Variants in CLN3 observed in about 807,000 individuals in gnomAD.
The protein encoded by CLN3 is battenin.
A neutral mutation model predicts 60.7 loss-of-function variants in CLN3; 49 were observed. The observed-to-expected ratio is 0.81, with a 90% confidence interval of 0.64 to 1.02. CLN3 has a LOEUF of 1.02. Among genes scored for constraint, CLN3 ranks in the 50% least tolerant of loss-of-function variants. CLN3 has a pLI of 0.00. For missense variants in CLN3, 516 were observed against 557.4 expected (o/e 0.93, Z 0.75); for synonymous variants, 256 against 245.8 (o/e 1.04, Z -0.39).
chr16:28,487,286 A>G, intron 7 of CLN3, 170 bp downstream of exon 7: 2 of 693,698 alleles, frequency 2.9e-6, no homozygotes, highest in South Asian at 3.1e-5. Context: ...TCCACTGCCT[A>G]CCCCTCCAAA....
intron 9 of CLN3, 130 bp downstream of exon 9, chr16:28,486,217 C>A (rs938530957): frequency 8.3e-7 from 1 of 1,200,074 alleles, no homozygotes; most frequent in African/African-American, 1.5e-5. Flanking sequence ...AGGCTGGTTT[C>A]CTGACCTTAG....
chr16:28,468,581 G>A, the CLN3 span, among the ~76,000 whole-genome samples: 4 of 134,680 alleles, frequency 3.0e-5, no homozygotes, highest in Non-Finnish European at 4.8e-5. Context: ...AGCCGAGGTG[G>A]GTGGACCACG....
rs780773439 is a variant in CLN3, at chr16:28,477,707, AC to A, written c.1197+29del. On this transcript the variant is annotated intron_variant, in intron 15 of 15. Transcript: ENST00000636147. ...TGCCCTGGGTGTCCCTGGACAGGCC[AC>A]CCCCAGCCCTTGCCCGGCCAATGCT... 22 of 1,613,882 alleles carry A rather than the reference AC, an allele frequency of 1.4e-5. 1 individual carries two copies. The highest frequency in any genetic ancestry group is 1.3e-4 in the Admixed American group (8 of 59,994).
Position 28,487,711 on chromosome 16 carries a change from G to A in CLN3, c.325C>T (p.Leu109Phe). 6.2e-7 allele frequency: 1 copy of A among 1,613,960 alleles called. No individual in the cohort carries two copies. The highest frequency in any genetic ancestry group is 8.5e-7 in the Non-Finnish European group (1 of 1,179,942). ...AVLLADILPT[L>F]VIKLLAPLGL... is the part of the protein sequence containing the mutation. ...AGAGGAGCCAACAATTTGATGACGA[G>A]TGTGGGGAGGATGTCCGCCAGGAGC... Residue 109 changes from leucine (L) to phenylalanine (F), a missense_variant, in exon 6 of 16, where the codon CTC becomes TTC. Transcript: ENST00000636147.
chr16:28,488,803 G>T, intron 4 of CLN3, 141 bp from the exon 5 acceptor site: 1 of 781,042 alleles, frequency 1.3e-6, no homozygotes, highest in Non-Finnish European at 2.3e-6. Flanking sequence ...CAGCGTCTCT[G>T]CATGCACAAT....
chr16:28,486,988 G>T, intron 7 of CLN3: 1 of 384,970 alleles, frequency 2.6e-6, no homozygotes, highest in Non-Finnish European at 5.0e-6. Flanking sequence ...TCGGCTCACT[G>T]CAACCTCTGC....
At position 28,489,389 on chromosome 16, in the gene CLN3, G is replaced by A. The variant is rs748513833; in HGVS notation, c.126-3C>T. On this transcript the variant is annotated splice_region_variant and splice_polypyrimidine_tract_variant and intron_variant, in intron 3 of 15. Transcript: ENST00000636147. ...AGTTGTTGCAAAGGCCCAGCAGCCT[G>A]GAAGGAGCAGGACAGGTCTCAACTC... The A allele has an allele frequency of 9.3e-6, 15 of 1,604,454 alleles. No homozygotes were observed. In the East Asian group the frequency reaches 1.3e-4, roughly 14 times the overall value.
chr16:28,487,822 C>T, intron 5 of CLN3, 81 bp from the exon 6 acceptor site: 7 of 1,164,978 alleles, frequency 6.0e-6, no homozygotes, highest in South Asian at 1.3e-5. Context: ...GAGGCAGGAG[C>T]TGGCCAAACA....
At chr16:28,477,968 T>C in intron 14 of CLN3, 91 bp from the exon 15 acceptor site, 1 of 1,478,002 alleles carries the variant, frequency 6.8e-7, no homozygotes. Context: ...GTTTTAGGAG[T>C]TACTGGTGAA....
Position 28,485,348 on chromosome 16 carries a change from C to T in CLN3, c.677+999G>A, listed in dbSNP as rs556917662. Among the ~76,000 whole-genome samples, 3 of 140,232 alleles carry T rather than the reference C, an allele frequency of 2.1e-5. No individual in the cohort carries two copies. In the East Asian group the frequency reaches 6.9e-4, roughly 32 times the overall value. The allele number at this position is 140,232 out of a possible 152,430, so 92.0% of individuals were successfully genotyped here. Reference sequence around the variant, plus strand: ...ATGGGAGGCCAAGGCAGGTGGATCACTTGAGGTCAGGAGTTTGAGACCAGC... The same window carrying T: ...ATGGGAGGCCAAGGCAGGTGGATCATTTGAGGTCAGGAGTTTGAGACCAGC... On this transcript the variant is annotated intron_variant, in intron 9 of 15. Coordinates refer to ENST00000636147, the MANE Select transcript of CLN3 (RefSeq NM_001042432.2).
chr16:28,486,737 G>C (rs1391283379), intron 7 of CLN3, 87 bp from the exon 8 acceptor site: 3 of 1,286,258 alleles, frequency 2.3e-6, no homozygotes, highest in African/African-American at 1.5e-5. Context: ...GGCCTCCTCA[G>C]TATCAGCTCA....
chr16:28,485,684 TAAAAAAAAAA>T (rs758152793), intron 9 of CLN3, among the ~76,000 whole-genome samples: 12 of 84,568 alleles, frequency 1.4e-4, no homozygotes, highest in African/African-American at 4.0e-4. Flanking sequence ...CAACACTGAT[TAAAAAAAAAA>T]AAAAAAAAAA....
chr16:28,490,202 G>A (rs2046290848), intron 3 of CLN3: 1 of 151,880 alleles, frequency 6.6e-6, no homozygotes. Flanking sequence ...CAGCACTTTG[G>A]GAAGTGGAGG....
chr16:28,472,170 C>T (rs2045955751), downstream of CLN3, among the ~76,000 whole-genome samples: 2 of 152,122 alleles, frequency 1.3e-5, no homozygotes, highest in Non-Finnish European at 2.9e-5. Flanking sequence ...CCCAGTATCT[C>T]TGGAGGTCAA....
At chr16:28,480,348 C>G (rs1479517475) in intron 14 of CLN3, among the ~76,000 whole-genome samples, 1 of 151,980 alleles carries the variant, frequency 6.6e-6, no homozygotes, top group African/African-American at 2.4e-5. Flanking sequence ...GCCACAACAC[C>G]TAGCCTAAAG....
At chr16:28,478,615 C>CAGAAAAA (rs1450219434) in intron 14 of CLN3, among the ~76,000 whole-genome samples, 1 of 51,084 alleles carries the variant, frequency 2.0e-5, no homozygotes, top group African/African-American at 1.3e-4. Context: ...GATCCTGTCT[C>CAGAAAAA]ATAAAAAAAA....
rs1335425316 is a variant in CLN3, at chr16:28,486,390, T to C, written c.634A>G (p.Thr212Ala). The change falls in exon 9 of 16, where the codon ACC (threonine) becomes GCC (alanine). Residue 212 changes from threonine (T) to alanine (A), a missense_variant. By Grantham distance (58) the Thr-to-Ala change is moderately conservative. Coordinates refer to ENST00000636147, the MANE Select transcript of CLN3 (RefSeq NM_001042432.2). ...GGGATACCCAGCATGGACAGCAGGG[T>C]CTGCTGAGGGGAGAGGCCGGCCTGG... ...LTQAGLSPQQ[T>A]LLSMLGIPAL... 6.2e-7 allele frequency: 1 copy of C among 1,612,810 alleles called. No individual in the cohort carries two copies. The highest frequency in any genetic ancestry group is 8.5e-7 in the Non-Finnish European group (1 of 1,179,996).
chr16:28,477,778 C>T lies in CLN3; in HGVS notation c.1156G>A (p.Gly386Ser). ...TGGAAGGTGTTCACGTAGGCTGCGC[C>T]TCCCAGGAGCCCCTCATACAGAATG... ...LIILYEGLLG[G>S]AAYVNTFHNI... is the part of the protein sequence containing the mutation. Residue 386 changes from glycine (G) to serine (S), a missense_variant, in exon 15 of 16, where the codon GGC becomes AGC. Gly to Ser is a moderately conservative substitution (Grantham distance 56). Coordinates refer to ENST00000636147, the MANE Select transcript of CLN3 (RefSeq NM_001042432.2). 1 of 1,614,128 alleles carries T rather than the reference C, an allele frequency of 6.2e-7. No homozygotes were observed. Among genetic ancestry groups the T allele is most frequent in the South Asian group, 1.1e-5 (1 of 91,088 alleles).
chr16:28,482,569 C>T (rs771902753), intron 11 of CLN3, 24 bp from the exon 12 acceptor site: 4 of 1,614,032 alleles, frequency 2.5e-6, no homozygotes, highest in South Asian at 2.2e-5. Context: ...AAGATATAAG[C>T]GGGGGGCCTG....
Sources: gnomAD v4.1 joint callset for allele counts (sites outside exome capture counted in the v4.1 genomes callset) on GRCh38, gnomAD v4.1.1 for gene constraint, MANE v1.5 for transcripts, NCBI Gene and HGNC (gene_info 2026-07-23, HGNC 2026-07-21) for gene names.